Variants in RTL9 observed in about 807,000 individuals in gnomAD.
RTL9 encodes retrotransposon Gag like 9, also known as retrotransposon Gag-like protein 9.
Under a neutral mutation model 44.7 loss-of-function variants are expected in RTL9, and 19 were observed. That is an observed-to-expected ratio of 0.42 (90% CI 0.30 to 0.62). The LOEUF is 0.62. Ranked by LOEUF, RTL9 falls within the 20% of genes least tolerant of loss-of-function variation. The pLI, the probability that RTL9 is intolerant of heterozygous loss-of-function variation, is 0.16. For synonymous variants in RTL9, 407 were observed against 398.9 expected (o/e 1.02, Z -0.24); for missense variants, 1,105 against 1,080.6 (o/e 1.02, Z -0.32).
upstream of RTL9, among the ~76,000 whole-genome samples, chrX:110,447,125 T>TTTTTTTTTTTTTTTG: frequency 1.1e-5 from 1 of 94,035 alleles, no homozygotes; most frequent in African/African-American, 4.2e-5. Context: ...TTTTTTTTTT[T>TTTTTTTTTTTTTTTG]TTTTTTTTTT....
chrX:110,363,606 G>A (rs73636958), intron 1 of RTL9, among the ~76,000 whole-genome samples: 7,532 of 111,466 alleles, frequency 0.068, 622 homozygotes, highest in African/African-American at 0.23. Flanking sequence ...CCATTATAGA[G>A]AGAAAAATAA....
upstream of RTL9, among the ~76,000 whole-genome samples, chrX:110,449,907 A>T (rs967734210): frequency 1.8e-5 from 2 of 112,569 alleles, no homozygotes; most frequent in African/African-American, 6.5e-5. Context: ...ACAGTTGTCT[A>T]AAGTACAGTG....
rs1356483379 is a variant in RTL9, at chrX:110,454,629, G to A, written c.4012G>A (p.Gly1338Arg). The stretch of plus-strand genomic sequence containing the variant: ...TAAGCGGAATAATGAGGAGGCCATG[G>A]GGAATGAACTGAGCTCTCAGCAGCA... The change falls in exon 1 of 2, where the codon GGG (glycine) becomes AGG (arginine). Residue 1338 changes from glycine (G) to arginine (R), a missense_variant. Gly to Arg is a moderately radical substitution (Grantham distance 125). Transcript: ENST00000540313. 2 of 1,200,556 alleles carry A rather than the reference G, an allele frequency of 1.7e-6. No homozygotes were observed. The highest frequency in any genetic ancestry group is 4.4e-5 in the Admixed American group (2 of 45,243).
At chrX:110,378,520 C>T (rs1378320139) in intron 1 of RTL9, among the ~76,000 whole-genome samples, 3 of 112,040 alleles carry the variant, frequency 2.7e-5, no homozygotes, top group African/African-American at 3.2e-5. Context: ...TCCTGGCATT[C>T]GAAGCTCTCT....
intron 1 of RTL9, among the ~76,000 whole-genome samples, chrX:110,397,765 T>C (rs909624228): frequency 5.7e-4 from 64 of 112,018 alleles, no homozygotes; most frequent in Non-Finnish European, 7.3e-4. Context: ...TCAGCTTCCC[T>C]GCTACAAGAG....
chrX:110,440,685 A>T (rs1186581480), intron 1 of RTL9, among the ~76,000 whole-genome samples: 1 of 112,673 alleles, frequency 8.9e-6, no homozygotes, highest in African/African-American at 3.2e-5. Context: ...AACTGATACT[A>T]TGCAAAGGTT....
At chrX:110,401,283 C>T (rs1392832228) in intron 1 of RTL9, among the ~76,000 whole-genome samples, 1 of 110,546 alleles carries the variant, frequency 9.0e-6, no homozygotes, top group Non-Finnish European at 1.9e-5. Context: ...GTGAAATAAG[C>T]CAAGTTTGTC....
chrX:110,377,987 C>T (rs1051593357), intron 1 of RTL9, among the ~76,000 whole-genome samples: 4 of 82,897 alleles, frequency 4.8e-5, no homozygotes, highest in African/African-American at 1.1e-4. Flanking sequence ...CCAGCCTGGG[C>T]GACAGAGCGA....
At chrX:110,452,404 C>T (rs762707596) in exon 1 of RTL9, 6 of 1,211,625 alleles carry the variant, frequency 5.0e-6, no homozygotes, top group Admixed American at 2.2e-5. Context: ...ATGAGAGACA[C>T]AGCCTCAGGA....
rs1391381104 is a variant in RTL9 at position 110,385,288 on chromosome X, C to A, written c.-168+26372C>A. On this transcript the variant is annotated intron_variant, in intron 1 of 2. Coordinates refer to the RTL9 transcript ENST00000520821. ...ACAGAACACTTAAAAGAATGTCTGG[C>A]ACATAGTAGGTGCTATATAAATATT... Among the ~76,000 whole-genome samples, 3 of 111,666 alleles carry A rather than the reference C, an allele frequency of 2.7e-5. No homozygotes were observed. The Admixed American group carries it at 2.8e-4, about 11-fold the overall frequency.
At chrX:110,431,350 T>TGTGTGC (rs1396931766) in intron 1 of RTL9, among the ~76,000 whole-genome samples, 1 of 109,518 alleles carries the variant, frequency 9.1e-6, no homozygotes, top group African/African-American at 3.3e-5. Context: ...TGTGTGTGTG[T>TGTGTGC]GTGTGCTGGC....
chrX:110,411,468 T>C (rs914930493), intron 1 of RTL9, among the ~76,000 whole-genome samples: 1 of 111,859 alleles, frequency 8.9e-6, no homozygotes, highest in African/African-American at 3.3e-5. Context: ...TATAATCCAA[T>C]TAGGTCAGAT....
chrX:110,415,826 C>A (rs1165633774), upstream of RTL9, among the ~76,000 whole-genome samples: 1 of 111,070 alleles, frequency 9.0e-6, no homozygotes. Context: ...GTCAGGTTTG[C>A]TGAGTGGGGA....
intron 1 of RTL9, among the ~76,000 whole-genome samples, chrX:110,376,713 C>T (rs952726050): frequency 1.8e-5 from 2 of 112,545 alleles, no homozygotes; most frequent in Admixed American, 1.9e-4. Flanking sequence ...CAATTACTAG[C>T]TAGCTATTTG....
At chrX:110,451,603 A>G in exon 1 of RTL9, 1 of 1,209,554 alleles carries the variant, frequency 8.3e-7, no homozygotes. Context: ...TCAGTCCCAG[A>G]TGCTGGAGAA....
Position 110,432,648 on chromosome X carries a change from C to A in RTL9, c.-167-12505C>A, listed in dbSNP as rs144205494. Among the ~76,000 whole-genome samples the A allele has an allele frequency of 5.4e-3, 606 of 111,979 alleles. 4 individuals carry two copies. The highest frequency in any genetic ancestry group is 0.018 in the African/African-American group (554 of 30,800). ...AAACCCCTCCTGTCCCTGAGGATCC[C>A]GAAAGACAGAGTGTTCCACAGGCAG... On this transcript the variant is annotated intron_variant, in intron 1 of 3. Transcript: ENST00000465301.
chrX:110,451,026 G>T, exon 1 of RTL9: 1 of 1,211,989 alleles, frequency 8.3e-7, no homozygotes, highest in Admixed American at 2.2e-5. Context: ...AGAGTATGGG[G>T]TAATGTCCCC....
chrX:110,442,528 G>T (rs1037664145), intron 1 of RTL9, among the ~76,000 whole-genome samples: 1 of 111,104 alleles, frequency 9.0e-6, no homozygotes, highest in African/African-American at 3.3e-5. Flanking sequence ...GTTATATCTT[G>T]TTTTTTCCTT....
chrX:110,399,657 A>G (rs2068551194), intron 1 of RTL9, among the ~76,000 whole-genome samples: 2 of 112,078 alleles, frequency 1.8e-5, no homozygotes, highest in South Asian at 7.5e-4. Flanking sequence ...AATGATTAAT[A>G]TAATCTCATT....
Sources: allele counts gnomAD v4.1 joint callset (sites outside exome capture counted in the v4.1 genomes callset), GRCh38; gene constraint gnomAD v4.1.1; transcripts MANE v1.5; gene names NCBI Gene and HGNC (gene_info 2026-07-23, HGNC 2026-07-21).